PNPT1: variants seen among roughly 807,000 people sequenced by gnomAD.
PNPT1 encodes the protein polyribonucleotide nucleotidyltransferase 1, mitochondrial.
Under a neutral mutation model 119.5 loss-of-function variants are expected in PNPT1, and 53 were observed. The observed-to-expected ratio is 0.44, with a 90% CI of 0.36 to 0.56. The LOEUF (loss-of-function observed/expected upper bound fraction) is 0.56. Ranked by LOEUF, PNPT1 falls within the 20% of genes least tolerant of loss-of-function variation. The pLI is 0.00. For synonymous variants in PNPT1, 357 were observed against 322.1 expected (o/e 1.11, Z -1.16); for missense variants, 948 against 938.5 (o/e 1.01, Z -0.13).
chr2:55,657,989 G>GCA (rs745492110), intron 15 of PNPT1, among the ~76,000 whole-genome samples: 1 of 148,274 alleles, frequency 6.7e-6, no homozygotes, highest in Non-Finnish European at 1.5e-5. Context: ...TGTAATCCCA[G>GCA]CACTTTGGGA....
intron 2 of PNPT1, among the ~76,000 whole-genome samples, chr2:55,687,031 G>C (rs1396817575): frequency 1.3e-5 from 2 of 151,896 alleles, no homozygotes; most frequent in African/African-American, 4.8e-5. Context: ...TGGCTAACAC[G>C]GTGAAACCTC....
intron 5 of PNPT1, among the ~76,000 whole-genome samples, chr2:55,683,345 T>C (rs1697304593): frequency 6.6e-6 from 1 of 152,202 alleles, no homozygotes; most frequent in African/African-American, 2.4e-5. Context: ...CCAGGCACAG[T>C]GGCTCACGCC....
At chr2:55,674,826 G>C (rs896373731) in intron 8 of PNPT1, among the ~76,000 whole-genome samples, 8 of 152,192 alleles carry the variant, frequency 5.3e-5, no homozygotes, top group African/African-American at 1.9e-4. Flanking sequence ...AATTTCTTCT[G>C]ATACCATGAT....
Position 55,672,875 on chromosome 2 carries a change from T to C in PNPT1, c.866+18A>G. 6.4e-7 allele frequency: 1 copy of C among 1,559,810 alleles called. No individual in the cohort carries two copies. Among genetic ancestry groups the C allele is most frequent in the Non-Finnish European group, 8.6e-7 (1 of 1,157,694 alleles). On this transcript the variant is annotated intron_variant, in intron 9 of 27. Coordinates refer to ENST00000447944, the MANE Select transcript of PNPT1 (RefSeq NM_033109.5). ...TCTGATGACAATTTCATATTTTCAT[T>C]TGCACAGATGTTCTTACTTATGAGT... is the stretch of plus-strand genomic sequence containing the variant.
chr2:55,654,194 T>C (rs10173150), intron 18 of PNPT1, among the ~76,000 whole-genome samples: 2 of 150,558 alleles, frequency 1.3e-5, no homozygotes, highest in Non-Finnish European at 2.9e-5. Flanking sequence ...GAGGCGGAGG[T>C]TGCAGTGAGC....
chr2:55,687,607 C>T (rs755749447), intron 2 of PNPT1, 38 bp downstream of exon 2: 5 of 1,486,514 alleles, frequency 3.4e-6, no homozygotes, highest in Non-Finnish European at 4.6e-6. Flanking sequence ...TCTCCGTAAC[C>T]ATTTTTAAGA....
Position 55,635,043 on chromosome 2 carries a change from C to T in PNPT1, c.*1194G>A, listed in dbSNP as rs1419732714. ...TAGCTGGGACTACAGGCACGTACCA[C>T]TGAGTCCAGTGTATTTTTATAAGAT... is the stretch of plus-strand genomic sequence containing the variant. On this transcript the variant is annotated 3_prime_UTR_variant, in exon 28 of 28. Coordinates refer to ENST00000447944, the MANE Select transcript of PNPT1 (RefSeq NM_033109.5). 6.6e-6 allele frequency: 1 copy of T among 152,156 alleles called. No homozygotes were observed. Among genetic ancestry groups the T allele is most frequent in the Non-Finnish European group, 1.5e-5 (1 of 68,038 alleles). 9.4% of individuals were successfully genotyped at this position (152,156 alleles called of 1,614,324 possible).
intron 15 of PNPT1, among the ~76,000 whole-genome samples, chr2:55,656,606 G>A (rs1696395397): frequency 6.6e-6 from 1 of 152,090 alleles, no homozygotes; most frequent in Admixed American, 6.5e-5. Flanking sequence ...AACTGGATGG[G>A]TATGGGGATT....
At chr2:55,681,869 C>T (rs549195831) in intron 5 of PNPT1, among the ~76,000 whole-genome samples, 99 of 136,150 alleles carry the variant, frequency 7.3e-4, no homozygotes, top group African/African-American at 2.6e-3. Flanking sequence ...AGGCTGGGCG[C>T]GGTGGCTCAC....
chr2:55,673,380 T>G (rs918055443), intron 8 of PNPT1, among the ~76,000 whole-genome samples: 1 of 151,888 alleles, frequency 6.6e-6, no homozygotes, highest in Admixed American at 6.6e-5. Context: ...AAAATAAGTT[T>G]TATTGAGCTA....
intron 8 of PNPT1, 122 bp downstream of exon 8, chr2:55,679,560 T>G: frequency 1.5e-6 from 1 of 659,484 alleles, no homozygotes; most frequent in Non-Finnish European, 2.6e-6. Context: ...AGGACAGAGA[T>G]AAAACATGAC....
At chr2:55,656,757 C>T (rs1696400016) in intron 15 of PNPT1, among the ~76,000 whole-genome samples, 1 of 152,166 alleles carries the variant, frequency 6.6e-6, no homozygotes, top group Non-Finnish European at 1.5e-5. Context: ...ATTTATTTCA[C>T]TAAATTGAAA....
In PNPT1 at chr2:55,693,376, G is replaced by A. The variant is rs372991556; in HGVS notation, c.161+287C>T. On this transcript the variant is annotated intron_variant, in intron 1 of 27. Coordinates refer to ENST00000447944, the MANE Select transcript of PNPT1 (RefSeq NM_033109.5). ...TAGGTGGAATGTTTCCCACTTAAGA[G>A]CCCAGTGGTCCCGGAAAGTAAAGAG... Among the ~76,000 whole-genome samples, 10 of 152,256 alleles carry A rather than the reference G, an allele frequency of 6.6e-5. No homozygotes were observed. In the East Asian group the frequency reaches 7.7e-4, roughly 12 times the overall value.
intron 13 of PNPT1, 133 bp from the exon 14 acceptor site, chr2:55,662,159 T>A: frequency 1.5e-6 from 1 of 651,992 alleles, no homozygotes; most frequent in Non-Finnish European, 2.4e-6. Flanking sequence ...GCCATGCTAC[T>A]AACTGCATTA....
At chr2:55,647,814 C>T (rs988764265) in intron 18 of PNPT1, among the ~76,000 whole-genome samples, 2 of 152,142 alleles carry the variant, frequency 1.3e-5, no homozygotes, top group East Asian at 1.9e-4. Context: ...TGAGCCACCG[C>T]GCCCAGCAGA....
chr2:55,666,090 T>A (rs1399953750), intron 13 of PNPT1, among the ~76,000 whole-genome samples: 2 of 152,098 alleles, frequency 1.3e-5, no homozygotes, highest in African/African-American at 4.8e-5. Flanking sequence ...ATACCCAATA[T>A]TAAAAGAAAG....
chr2:55,686,898 GGC>G (rs1445347768), intron 2 of PNPT1, among the ~76,000 whole-genome samples: 5 of 152,248 alleles, frequency 3.3e-5, no homozygotes, highest in African/African-American at 1.2e-4. Context: ...GCGGGGGCAA[GGC>G]AGGTGGATCA....
At chr2:55,685,902 CATAA>C (rs989844373) in intron 3 of PNPT1, among the ~76,000 whole-genome samples, 1 of 152,148 alleles carries the variant, frequency 6.6e-6, no homozygotes, top group Non-Finnish European at 1.5e-5. Context: ...GTAAATTCTA[CATAA>C]ATAGTTTTTA....
intron 19 of PNPT1, 95 bp from the exon 20 acceptor site, chr2:55,646,581 A>G: frequency 1.1e-6 from 1 of 943,990 alleles, no homozygotes; most frequent in South Asian, 1.6e-5. Context: ...CTTTAGAAGT[A>G]AACCATATCC....
Sources: allele counts gnomAD v4.1 joint callset (sites outside exome capture counted in the v4.1 genomes callset), GRCh38; gene constraint gnomAD v4.1.1; transcripts MANE v1.5; gene names NCBI Gene and HGNC (gene_info 2026-07-23, HGNC 2026-07-21).